NRG3: variants seen among roughly 807,000 people sequenced by gnomAD.
NRG3 encodes pro-neuregulin-3, membrane-bound isoform.
Under a neutral mutation model 66.9 loss-of-function variants are expected in NRG3, and 31 were observed. The ratio of observed to expected loss-of-function variants is 0.46; its 90% CI spans 0.35 to 0.63. The LOEUF is 0.63. Among genes scored for constraint, NRG3 ranks in the 20% least tolerant of loss-of-function variants. NRG3 has a pLI of 0.00. For missense variants in NRG3, 910 were observed against 878.9 expected (o/e 1.04, Z -0.45); for synonymous variants, 393 against 359.4 (o/e 1.09, Z -1.06).
chr10:82,032,577 AATG>A (rs1254859964), intron 1 of NRG3, among the ~76,000 whole-genome samples: 1 of 152,120 alleles, frequency 6.6e-6, no homozygotes, highest in African/African-American at 2.4e-5. Flanking sequence ...AGATCAGAAT[AATG>A]ATAAGTTAAG....
intron 2 of NRG3, among the ~76,000 whole-genome samples, chr10:82,412,902 A>G (rs2088216361): frequency 2.0e-5 from 3 of 152,180 alleles, no homozygotes; most frequent in African/African-American, 7.2e-5. Context: ...CAACTTTTTC[A>G]TGAGATTGCA....
chr10:81,898,453 C>T (rs1396794579), intron 1 of NRG3, among the ~76,000 whole-genome samples: 1 of 152,162 alleles, frequency 6.6e-6, no homozygotes, highest in Non-Finnish European at 1.5e-5. Flanking sequence ...GACTCAGATC[C>T]CTCTCATCTC....
At chr10:82,885,464 A>G (rs1305039234) in intron 4 of NRG3, among the ~76,000 whole-genome samples, 1 of 152,172 alleles carries the variant, frequency 6.6e-6, no homozygotes, top group Admixed American at 6.5e-5. Context: ...TATGAATACT[A>G]TTATTTATTA....
At chr10:82,814,880 CT>C (rs1445978054) in intron 3 of NRG3, among the ~76,000 whole-genome samples, 1 of 152,174 alleles carries the variant, frequency 6.6e-6, no homozygotes, top group East Asian at 1.9e-4. Context: ...ATCCTCACAA[CT>C]CTGTGTTGTG....
At chr10:81,925,268 A>T (rs1040120541) in intron 1 of NRG3, among the ~76,000 whole-genome samples, 4 of 152,254 alleles carry the variant, frequency 2.6e-5, no homozygotes, top group African/African-American at 9.6e-5. Flanking sequence ...ATTGAGGCAC[A>T]TGTGGAACCT....
At chr10:82,883,563 A>C (rs546864497) in intron 4 of NRG3, among the ~76,000 whole-genome samples, 1 of 152,312 alleles carries the variant, frequency 6.6e-6, no homozygotes, top group African/African-American at 2.4e-5. Flanking sequence ...ATTGTTGAAA[A>C]GAATTTCCCT....
At chr10:82,112,600 G>A (rs1347967676) in intron 1 of NRG3, among the ~76,000 whole-genome samples, 2 of 152,034 alleles carry the variant, frequency 1.3e-5, no homozygotes, top group South Asian at 2.1e-4. Context: ...TTTCTAAATG[G>A]CGCTTCTTCA....
intron 2 of NRG3, among the ~76,000 whole-genome samples, chr10:82,384,213 G>A (rs1564861869): frequency 6.6e-6 from 1 of 151,016 alleles, no homozygotes; most frequent in Non-Finnish European, 1.5e-5. Flanking sequence ...AGTTGTTTGG[G>A]TTTTTCTTTT....
intron 1 of NRG3, among the ~76,000 whole-genome samples, chr10:82,351,894 G>A (rs548915688): frequency 2.6e-5 from 4 of 152,252 alleles, no homozygotes; most frequent in South Asian, 4.2e-4. Flanking sequence ...CCCTACTACC[G>A]TCCTCCAGCA....
At chr10:82,072,126 C>T (rs2064842572) in intron 1 of NRG3, among the ~76,000 whole-genome samples, 1 of 152,082 alleles carries the variant, frequency 6.6e-6, no homozygotes, top group African/African-American at 2.4e-5. Flanking sequence ...GCTTTTGTCT[C>T]CCTTTCTTAC....
chr10:82,030,568 T>A (rs553244976), intron 1 of NRG3, among the ~76,000 whole-genome samples: 1 of 152,156 alleles, frequency 6.6e-6, no homozygotes, highest in African/African-American at 2.4e-5. Flanking sequence ...AAAACGTGAT[T>A]CATACCAAAA....
At chr10:82,123,834 G>T (rs2132402233) in intron 1 of NRG3, among the ~76,000 whole-genome samples, 1 of 149,882 alleles carries the variant, frequency 6.7e-6, no homozygotes, top group South Asian at 2.1e-4. Context: ...TGGAGCATCT[G>T]GATCTGTATG....
intron 1 of NRG3, among the ~76,000 whole-genome samples, chr10:81,996,103 C>T (rs1395429753): frequency 1.3e-5 from 2 of 152,256 alleles, no homozygotes; most frequent in Admixed American, 6.5e-5. Flanking sequence ...TGAGTATTAA[C>T]ATGATGGAAA....
rs561595795 is a variant in NRG3 at position 82,639,258 on chromosome 10, C to T, written c.954-99319C>T. Among the ~76,000 whole-genome samples, 3 of 152,158 alleles carry T rather than the reference C, an allele frequency of 2.0e-5. No individual in the cohort carries two copies. In the East Asian group the frequency reaches 5.8e-4, roughly 29 times the overall value. ...GATCTCTGTGCTGCATAGATGGTGA[C>T]TTCTTGCTGTGTCCACACATAGTGG... On this transcript the variant is annotated intron_variant, in intron 2 of 8. Transcript: ENST00000372141.
In NRG3 at chr10:82,294,367, T is replaced by C. The variant is rs73306659; in HGVS notation, c.824-64372T>C. Among the ~76,000 whole-genome samples the C allele has an allele frequency of 4.2e-3, 633 of 152,258 alleles. 4 individuals are homozygous for C. Among genetic ancestry groups the C allele is most frequent in the African/African-American group, 0.015 (609 of 41,550 alleles). On this transcript the variant is annotated intron_variant, in intron 1 of 8. Transcript: ENST00000372141. ...TTTCTAGACCCATTTCTAAGATGCCTAGGATGCATTAGATAATTTATATAA... is the reference window on the plus strand; with the variant it reads ...TTTCTAGACCCATTTCTAAGATGCCCAGGATGCATTAGATAATTTATATAA...
At chr10:82,626,229 A>G (rs548674091) in intron 2 of NRG3, among the ~76,000 whole-genome samples, 2 of 152,306 alleles carry the variant, frequency 1.3e-5, no homozygotes, top group East Asian at 1.9e-4. Context: ...ATACTTGTCA[A>G]TTTATTAAGT....
chr10:82,710,612 A>AATTT (rs1401101114), intron 2 of NRG3, among the ~76,000 whole-genome samples: 2 of 137,794 alleles, frequency 1.5e-5, no homozygotes, highest in Non-Finnish European at 3.2e-5. Context: ...AAAAAAAAAG[A>AATTT]ATTTATTTCT....
At chr10:82,015,086 T>G (rs2061728716) in intron 1 of NRG3, among the ~76,000 whole-genome samples, 1 of 152,128 alleles carries the variant, frequency 6.6e-6, no homozygotes. Context: ...TTTTGTAGAG[T>G]CTGCATTGAA....
chr10:82,825,522 C>T (rs1297613713), intron 3 of NRG3, among the ~76,000 whole-genome samples: 1 of 152,178 alleles, frequency 6.6e-6, no homozygotes, highest in Non-Finnish European at 1.5e-5. Flanking sequence ...ACTCTAAGCA[C>T]AGCTGTCCAG....
Sources: gnomAD v4.1 joint callset for allele counts (sites outside exome capture counted in the v4.1 genomes callset) on GRCh38, gnomAD v4.1.1 for gene constraint, MANE v1.5 for transcripts, NCBI Gene and HGNC (gene_info 2026-07-23, HGNC 2026-07-21) for gene names.